Variants in TRPC5 observed in about 807,000 individuals in gnomAD.
TRPC5 encodes the protein short transient receptor potential channel 5.
A neutral mutation model predicts 56.5 loss-of-function variants in TRPC5; 9 were observed. The observed-to-expected ratio is 0.16, with a 90% CI of 0.10 to 0.28. The LOEUF (loss-of-function observed/expected upper bound fraction) is 0.28, where lower values mean the gene tolerates loss of function less well. Among genes scored for constraint, TRPC5 ranks in the 10% least tolerant of loss-of-function variants. TRPC5 has a pLI of 1.00. For synonymous variants in TRPC5, 282 were observed against 278.5 expected, an observed-to-expected ratio of 1.01 and a Z score of -0.13; for missense variants, 469 against 748.9, an observed-to-expected ratio of 0.63 and a Z score of 4.36.
intron 1 of TRPC5, among the ~76,000 whole-genome samples, chrX:112,067,666 G>A (rs1930617357): frequency 1.8e-5 from 2 of 111,820 alleles, no homozygotes; most frequent in African/African-American, 6.5e-5. Flanking sequence ...ACTGCTCTCA[G>A]ATCAGAGCCC....
At chrX:111,948,998 C>G (rs981902162) in intron 2 of TRPC5, among the ~76,000 whole-genome samples, 3 of 111,508 alleles carry the variant, frequency 2.7e-5, no homozygotes, top group African/African-American at 9.8e-5. Flanking sequence ...CACCATGACC[C>G]GATGGACTTT....
At chrX:111,943,927 TG>T (rs1440441429) in intron 2 of TRPC5, among the ~76,000 whole-genome samples, 1 of 112,462 alleles carries the variant, frequency 8.9e-6, no homozygotes, top group Non-Finnish European at 1.9e-5. Context: ...CCATACGACA[TG>T]CTAAGTCAAA....
chrX:111,980,778 CATT>C (rs1464484918), intron 1 of TRPC5, among the ~76,000 whole-genome samples: 3 of 108,510 alleles, frequency 2.8e-5, no homozygotes, highest in African/African-American at 1.0e-4. Context: ...TTGTATATTT[CATT>C]ATTATTTCTA....
chrX:111,895,744 G>A (rs1240000167), intron 3 of TRPC5, among the ~76,000 whole-genome samples: 1 of 111,352 alleles, frequency 9.0e-6, no homozygotes, highest in Non-Finnish European at 1.9e-5. Context: ...GTACTACGCT[G>A]TCTTAATTTC....
intron 7 of TRPC5, among the ~76,000 whole-genome samples, chrX:111,804,028 T>C (rs1027381964): frequency 8.9e-6 from 1 of 112,279 alleles, no homozygotes; most frequent in Non-Finnish European, 1.9e-5. Flanking sequence ...AATGTTTGTA[T>C]AAGGTGTAAG....
At chrX:111,880,940 C>G (rs1420392034) in intron 3 of TRPC5, among the ~76,000 whole-genome samples, 3 of 111,487 alleles carry the variant, frequency 2.7e-5, no homozygotes, top group African/African-American at 9.8e-5. Context: ...TGATAACTAA[C>G]TGTGGAGAGT....
intron 7 of TRPC5, among the ~76,000 whole-genome samples, chrX:111,828,173 A>C (rs1009313898): frequency 1.8e-5 from 2 of 112,201 alleles, no homozygotes; most frequent in African/African-American, 6.5e-5. Context: ...CCAGCAATGC[A>C]CATCAAATCT....
chrX:111,790,093 T>C (rs1030456361), intron 7 of TRPC5, among the ~76,000 whole-genome samples: 1 of 112,001 alleles, frequency 8.9e-6, no homozygotes, highest in African/African-American at 3.2e-5. Context: ...CATGCTGCTA[T>C]AAAGACACAT....
At chrX:111,915,050 CCTCGCTCTCTTTCTCTCT>C (rs1925932807) in intron 2 of TRPC5, among the ~76,000 whole-genome samples, 1 of 92,001 alleles carries the variant, frequency 1.1e-5, no homozygotes, top group African/African-American at 6.2e-5. Context: ...ATTCCTCTTT[CCTCGCTCTCTTTCTCTCT>C]CTCTCTCTCT....
chrX:111,787,280 A>G (rs900941626), intron 7 of TRPC5, among the ~76,000 whole-genome samples: 5 of 111,908 alleles, frequency 4.5e-5, no homozygotes, highest in Non-Finnish European at 7.5e-5. Flanking sequence ...CTACATGGAA[A>G]CTGAACAACT....
rs1244406781 is a variant in TRPC5 at position 111,873,306 on chromosome X, A to G, written c.901-19200T>C. 1.8e-5 allele frequency among the ~76,000 whole-genome samples: 2 copies of G among 111,487 alleles called. 1 individual carries two copies. Among genetic ancestry groups the G allele is most frequent in the Non-Finnish European group, 3.8e-5 (2 of 53,112 alleles). ...TGAGTGGGAGCTAAACATCGAATAC[A>G]CATTAATGTAAAGATGGGAACAATA... is the stretch of plus-strand genomic sequence containing the variant. On this transcript the variant is annotated intron_variant, in intron 3 of 10. Coordinates refer to ENST00000262839, the MANE Select transcript of TRPC5 (RefSeq NM_012471.3).
chrX:111,953,977 A>C (rs1302886788), intron 1 of TRPC5, among the ~76,000 whole-genome samples: 1 of 111,778 alleles, frequency 8.9e-6, no homozygotes, highest in Non-Finnish European at 1.9e-5. Flanking sequence ...TCAAGACCCA[A>C]ATGACAAATC....
At chrX:111,905,911 T>C (rs1316544154) in intron 3 of TRPC5, among the ~76,000 whole-genome samples, 1 of 76,147 alleles carries the variant, frequency 1.3e-5, no homozygotes, top group East Asian at 3.5e-4. Context: ...CGAGTCTCTG[T>C]CTCAAAAAAA....
chrX:111,986,423 C>G (rs886938268), intron 1 of TRPC5, among the ~76,000 whole-genome samples: 3 of 110,288 alleles, frequency 2.7e-5, no homozygotes, highest in African/African-American at 9.8e-5. Flanking sequence ...GTATAGTATA[C>G]CTCCTCATGG....
intron 7 of TRPC5, among the ~76,000 whole-genome samples, chrX:111,797,564 AT>A (rs1487904224): frequency 8.9e-6 from 1 of 112,300 alleles, no homozygotes; most frequent in African/African-American, 3.2e-5. Flanking sequence ...CCACTGCTAG[AT>A]TTTGTTATTT....
At chrX:111,848,765 G>A (rs966591771) in intron 5 of TRPC5, among the ~76,000 whole-genome samples, 2 of 112,019 alleles carry the variant, frequency 1.8e-5, no homozygotes, top group Admixed American at 9.5e-5. Context: ...ACTTTTAGGC[G>A]GCCAATCAGT....
intron 6 of TRPC5, among the ~76,000 whole-genome samples, chrX:111,842,039 C>CTCTATCTATCTATCTA (rs72289513): frequency 1.1e-5 from 1 of 89,933 alleles, no homozygotes; most frequent in Non-Finnish European, 2.1e-5. Flanking sequence ...CTATCTATAG[C>CTCTATCTATCTATCTA]TCTATCTATC....
At chrX:111,802,277 G>T (rs1322928894) in intron 7 of TRPC5, among the ~76,000 whole-genome samples, 1 of 111,468 alleles carries the variant, frequency 9.0e-6, no homozygotes, top group Non-Finnish European at 1.9e-5. Flanking sequence ...TAGCTTTGTA[G>T]TAAGTTTTGA....
intron 3 of TRPC5, among the ~76,000 whole-genome samples, chrX:111,891,580 G>A (rs778732119): frequency 1.4e-4 from 15 of 110,551 alleles, no homozygotes; most frequent in Non-Finnish European, 2.8e-4. Flanking sequence ...TCACACTGTC[G>A]CCCAGGCTGG....
Sources: gnomAD v4.1 joint callset for allele counts (sites outside exome capture counted in the v4.1 genomes callset) on GRCh38, gnomAD v4.1.1 for gene constraint, MANE v1.5 for transcripts, NCBI Gene and HGNC (gene_info 2026-07-23, HGNC 2026-07-21) for gene names.